The following PEX14 variants were observed in gnomAD, a reference collection of about 807,000 sequenced individuals.
The protein encoded by PEX14 is peroxisomal biogenesis factor 14, also known as peroxisomal membrane protein PEX14.
In PEX14, 15 loss-of-function variants were observed where a neutral mutation model predicts 49.5. The ratio of observed to expected loss-of-function variants is 0.30; its 90% confidence interval spans 0.20 to 0.47. The LOEUF (loss-of-function observed/expected upper bound fraction) is 0.47, where lower values mean the gene tolerates loss of function less well. PEX14 is among the 20% of genes least tolerant of loss of function. The pLI is 1.00. For synonymous variants in PEX14, 210 were observed against 212.7 expected, an observed-to-expected ratio of 0.99 and a Z score of 0.11; for missense variants, 398 against 494.8, an observed-to-expected ratio of 0.80 and a Z score of 1.86.
chr1:10,518,833 C>G (rs1642017229), intron 2 of PEX14, among the ~76,000 whole-genome samples: 1 of 152,178 alleles, frequency 6.6e-6, no homozygotes, highest in African/African-American at 2.4e-5. Context: ...CCTTCCCTTC[C>G]TGGCACAAGG....
chr1:10,587,436 T>G (rs1027118818), intron 3 of PEX14, among the ~76,000 whole-genome samples: 1 of 152,032 alleles, frequency 6.6e-6, no homozygotes, highest in African/African-American at 2.4e-5. Context: ...CAGAGTGAGA[T>G]TCTGTCTCAA....
chr1:10,610,580 G>T (rs1375561798), intron 4 of PEX14, among the ~76,000 whole-genome samples: 1 of 151,886 alleles, frequency 6.6e-6, no homozygotes, highest in Non-Finnish European at 1.5e-5. Flanking sequence ...CTCCCGGGTG[G>T]GTTCAAGTGA....
chr1:10,517,456 C>T (rs186969061), intron 2 of PEX14, among the ~76,000 whole-genome samples: 3 of 151,916 alleles, frequency 2.0e-5, no homozygotes, highest in Non-Finnish European at 2.9e-5. Flanking sequence ...ATTAAAGGAG[C>T]CTGGCTTGAG....
At chr1:10,601,448 CCTT>C in intron 4 of PEX14, among the ~76,000 whole-genome samples, 1 of 152,268 alleles carries the variant, frequency 6.6e-6, no homozygotes, top group Non-Finnish European at 1.5e-5. Flanking sequence ...GCCAAAAAGG[CCTT>C]CTCTTCTCCG....
intron 1 of PEX14, among the ~76,000 whole-genome samples, chr1:10,485,164 T>C (rs181773750): frequency 6.6e-6 from 1 of 151,838 alleles, no homozygotes; most frequent in Non-Finnish European, 1.5e-5. Flanking sequence ...ATTCTTCATT[T>C]TTCTGGGGAA....
At chr1:10,535,477 G>A (rs1357941772) in intron 2 of PEX14, among the ~76,000 whole-genome samples, 1 of 152,202 alleles carries the variant, frequency 6.6e-6, no homozygotes, top group Admixed American at 6.5e-5. Flanking sequence ...CATTGCAGAA[G>A]GGGGGCCAGA....
chr1:10,475,044 G>T, intron 1 of PEX14, 42 bp downstream of exon 1: 1 of 1,569,428 alleles, frequency 6.4e-7, no homozygotes, highest in Non-Finnish European at 8.7e-7. Flanking sequence ...CGGAGACCCC[G>T]GCTGGAGGGG....
chr1:10,582,768 C>T (rs1570305250), intron 3 of PEX14, among the ~76,000 whole-genome samples: 1 of 152,282 alleles, frequency 6.6e-6, no homozygotes, highest in East Asian at 1.9e-4. Context: ...GAGTCTCACT[C>T]TGTAGCCCAG....
chr1:10,577,409 C>CAAAAA (rs377044144), intron 3 of PEX14, among the ~76,000 whole-genome samples: 2 of 706 alleles, frequency 2.8e-3, no homozygotes, highest in Non-Finnish European at 2.6e-3. Context: ...AAAAAAAAAA[C>CAAAAA]CAAAAAAAAA....
intron 6 of PEX14, 85 bp from the exon 7 acceptor site, chr1:10,624,255 G>T: frequency 1.2e-6 from 1 of 864,584 alleles, no homozygotes; most frequent in South Asian, 1.3e-5. Context: ...GCGGGAACAC[G>T]GGCAGCTCCG....
At chr1:10,559,259 A>G (rs1419960101) in intron 3 of PEX14, among the ~76,000 whole-genome samples, 2 of 152,200 alleles carry the variant, frequency 1.3e-5, no homozygotes, top group African/African-American at 4.8e-5. Context: ...GATGAAGAGC[A>G]TAGGAATATA....
chr1:10,502,468 T>C (rs1641698718), intron 2 of PEX14, among the ~76,000 whole-genome samples: 1 of 152,226 alleles, frequency 6.6e-6, no homozygotes, highest in African/African-American at 2.4e-5. Flanking sequence ...CGGTGCCCTT[T>C]ACATTGTTTC....
chr1:10,628,885 C>A lies in PEX14; in HGVS notation c.678-646C>A, dbSNP rs1224562341. Among the ~76,000 whole-genome samples the A allele has an allele frequency of 6.6e-6, 1 of 152,204 alleles. No homozygotes were observed. Among genetic ancestry groups the A allele is most frequent in the Non-Finnish European group, 1.5e-5 (1 of 68,036 alleles). Reference sequence around the variant, plus strand: ...CAAGTGGACCTGACCTCCCAGGTCCCTCCTGGAATTGGCTTTGGTTTGGGC... The same window carrying A: ...CAAGTGGACCTGACCTCCCAGGTCCATCCTGGAATTGGCTTTGGTTTGGGC... On this transcript the variant is annotated intron_variant, in intron 8 of 8. Coordinates refer to ENST00000356607, the MANE Select transcript of PEX14 (RefSeq NM_004565.3). This position sits in a 1 kb window ranked among gnomAD's most constrained non-coding sequence, Gnocchi z 4.5.
chr1:10,491,675 T>C (rs1162952509), intron 1 of PEX14, among the ~76,000 whole-genome samples: 2 of 2,762 alleles, frequency 7.2e-4, no homozygotes, highest in Non-Finnish European at 2.3e-3. Flanking sequence ...GCCATGCTCC[T>C]TTTTTTTTTT....
chr1:10,483,849 C>A (rs983447679), intron 1 of PEX14, among the ~76,000 whole-genome samples: 6 of 151,582 alleles, frequency 4.0e-5, no homozygotes, highest in Non-Finnish European at 8.8e-5. Flanking sequence ...CCCATTGAAT[C>A]CTTGCCTGTG....
At position 10,623,174 on chromosome 1, in the gene PEX14, C is replaced by T; in HGVS notation, c.487+53C>T. On this transcript the variant is annotated intron_variant, in intron 6 of 8. Coordinates refer to ENST00000356607, the MANE Select transcript of PEX14 (RefSeq NM_004565.3). The surrounding 1 kb of genome is among the most constrained non-coding windows in gnomAD (Gnocchi z 4.4). Reference sequence around the variant, plus strand: ...CCCCTCACAGCCTTCTCCAAGCAGCCCCTTCTCTGCCCCTCCCCTCTCCCT... The same window carrying T: ...CCCCTCACAGCCTTCTCCAAGCAGCTCCTTCTCTGCCCCTCCCCTCTCCCT... 1 of 1,113,780 alleles carries T rather than the reference C, an allele frequency of 9.0e-7. No individual in the cohort carries two copies. The highest frequency in any genetic ancestry group is 1.9e-5 in the Admixed American group (1 of 53,646). 69.0% of individuals were successfully genotyped at this position (1,113,780 alleles called of 1,614,324 possible).
At chr1:10,608,889 A>G (rs1391026081) in intron 4 of PEX14, among the ~76,000 whole-genome samples, 1 of 152,144 alleles carries the variant, frequency 6.6e-6, no homozygotes, top group African/African-American at 2.4e-5. Flanking sequence ...CTCCCCTGCA[A>G]GATCCTTTGG....
chr1:10,504,257 A>G (rs1484738292), intron 2 of PEX14, among the ~76,000 whole-genome samples: 3 of 152,104 alleles, frequency 2.0e-5, no homozygotes, highest in Non-Finnish European at 4.4e-5. Context: ...ACCGAGATTT[A>G]TGCTTGTTGC....
intron 2 of PEX14, chr1:10,535,771 G>A (rs1638781115): frequency 7.1e-6 from 2 of 280,198 alleles, no homozygotes; most frequent in South Asian, 6.7e-5. Flanking sequence ...TGTGCTGATA[G>A]AGAACGTGTG....
Sources: allele counts gnomAD v4.1 joint callset (sites outside exome capture counted in the v4.1 genomes callset), GRCh38; gene constraint gnomAD v4.1.1; non-coding constraint Gnocchi (gnomAD v3.1); transcripts MANE v1.5; gene names NCBI Gene and HGNC (gene_info 2026-07-23, HGNC 2026-07-21).